Variants in CYP7B1 observed in about 807,000 individuals in gnomAD.
The protein encoded by CYP7B1 is cytochrome P450 7B1.
In CYP7B1, 29 loss-of-function variants were observed where a neutral mutation model predicts 42.7. The ratio of observed to expected loss-of-function variants is 0.68; its 90% CI spans 0.51 to 0.93. CYP7B1 has a LOEUF of 0.93. Among genes scored for constraint, CYP7B1 ranks in the 40% least tolerant of loss-of-function variants. The probability of loss-of-function intolerance (pLI) is 0.00; values close to 1 mark genes in which losing one functional copy is unlikely to be tolerated. For synonymous variants in CYP7B1, 235 were observed against 218.2 expected, an observed-to-expected ratio of 1.08 and a Z score of -0.68; for missense variants, 655 against 600.5, an observed-to-expected ratio of 1.09 and a Z score of -0.95.
intron 1 of CYP7B1, among the ~76,000 whole-genome samples, chr8:64,790,324 A>T (rs1039275200): frequency 2.6e-5 from 4 of 152,196 alleles, no homozygotes; most frequent in African/African-American, 9.7e-5. Flanking sequence ...GTTCACTTCC[A>T]CCTAAAGGCA....
chr8:64,790,478 A>C (rs1804599493), intron 1 of CYP7B1, among the ~76,000 whole-genome samples: 1 of 152,200 alleles, frequency 6.6e-6, no homozygotes, highest in Admixed American at 6.5e-5. Flanking sequence ...CCCCAAGATC[A>C]ATGTGTTTTA....
intron 1 of CYP7B1, among the ~76,000 whole-genome samples, chr8:64,792,651 C>T (rs1426871981): frequency 6.6e-6 from 1 of 152,118 alleles, no homozygotes; most frequent in Non-Finnish European, 1.5e-5. Flanking sequence ...ACAAATCTCT[C>T]AGGAGTGAAT....
intron 1 of CYP7B1, among the ~76,000 whole-genome samples, chr8:64,733,867 G>A (rs1807449027): frequency 6.6e-6 from 1 of 152,028 alleles, no homozygotes; most frequent in Admixed American, 6.6e-5. Flanking sequence ...CTATTTTGGA[G>A]GCTAAGGAAG....
At chr8:64,661,798 C>T (rs750497555) in intron 1 of CYP7B1, among the ~76,000 whole-genome samples, 4 of 152,118 alleles carry the variant, frequency 2.6e-5, no homozygotes, top group East Asian at 1.9e-4. Context: ...AGGACATTCA[C>T]GGAATGTGGA....
At chr8:64,700,574 CA>C (rs1206146114) in intron 1 of CYP7B1, among the ~76,000 whole-genome samples, 3 of 152,062 alleles carry the variant, frequency 2.0e-5, no homozygotes, top group Non-Finnish European at 2.9e-5. Context: ...GTTCTACTTA[CA>C]AAAAAGATGT....
intron 1 of CYP7B1, among the ~76,000 whole-genome samples, chr8:64,631,197 T>A (rs1251486746): frequency 3.9e-5 from 6 of 152,054 alleles, no homozygotes. Flanking sequence ...CTCAATAAAA[T>A]AATTATCAAT....
intron 1 of CYP7B1, among the ~76,000 whole-genome samples, chr8:64,746,142 T>A (rs1404914237): frequency 1.3e-5 from 2 of 151,826 alleles, no homozygotes; most frequent in African/African-American, 4.8e-5. Context: ...AAAAAAAAAA[T>A]CCCTTTCTTA....
rs1218191670 is a variant in CYP7B1, at chr8:64,659,136, T to C, written c.123-34597A>G. ...TATTTTTCACGGTAATATACTATAGTAACTGAAATTTGAACTGTGTTTTTG... is the reference window on the plus strand; with the variant it reads ...TATTTTTCACGGTAATATACTATAGCAACTGAAATTTGAACTGTGTTTTTG... On this transcript the variant is annotated intron_variant, in intron 1 of 5. Coordinates refer to ENST00000310193, the MANE Select transcript of CYP7B1 (RefSeq NM_004820.5). 2.0e-5 allele frequency among the ~76,000 whole-genome samples: 3 copies of C among 152,214 alleles called. No individual in the cohort carries two copies. The East Asian group carries it at 5.8e-4, about 29-fold the overall frequency.
chr8:64,614,776 T>C (rs1805409012), intron 4 of CYP7B1, among the ~76,000 whole-genome samples: 2 of 152,222 alleles, frequency 1.3e-5, no homozygotes, highest in Admixed American at 6.5e-5. Flanking sequence ...ATAAACTTTT[T>C]TTCAAATAAT....
At chr8:64,676,390 T>G (rs1806446410) in intron 1 of CYP7B1, among the ~76,000 whole-genome samples, 1 of 152,130 alleles carries the variant, frequency 6.6e-6, no homozygotes, top group Admixed American at 6.6e-5. Context: ...GCCAACCATT[T>G]AGAATATATG....
chr8:64,730,251 G>A (rs1264731658), intron 1 of CYP7B1, among the ~76,000 whole-genome samples: 1 of 150,830 alleles, frequency 6.6e-6, no homozygotes, highest in African/African-American at 2.4e-5. Flanking sequence ...TGTATTTTTA[G>A]TGGAGATGGT....
At chr8:64,685,473 C>T (rs1253771415) in intron 1 of CYP7B1, among the ~76,000 whole-genome samples, 5 of 52,306 alleles carry the variant, frequency 9.6e-5, no homozygotes, top group Middle Eastern at 6.6e-3. Flanking sequence ...CGTCTCTGCC[C>T]GGCCGCCCAT....
intron 1 of CYP7B1, among the ~76,000 whole-genome samples, chr8:64,693,375 T>G (rs991828501): frequency 1.3e-5 from 2 of 152,170 alleles, no homozygotes; most frequent in African/African-American, 2.4e-5. Flanking sequence ...TTGTGTGTGT[T>G]TTGGCAAGGA....
chr8:64,707,183 T>G (rs1227427526), intron 1 of CYP7B1, among the ~76,000 whole-genome samples: 1 of 152,062 alleles, frequency 6.6e-6, no homozygotes, highest in Non-Finnish European at 1.5e-5. Context: ...CTTTCATCCT[T>G]AATGGAGTCC....
chr8:64,746,290 C>G (rs933486195), intron 1 of CYP7B1, among the ~76,000 whole-genome samples: 1 of 152,094 alleles, frequency 6.6e-6, no homozygotes, highest in African/African-American at 2.4e-5. Context: ...CTTCTGTTGT[C>G]TATTTAAAGG....
chr8:64,602,574 G>A (rs1563538972), intron 5 of CYP7B1, among the ~76,000 whole-genome samples: 3 of 152,042 alleles, frequency 2.0e-5, no homozygotes, highest in Admixed American at 1.3e-4. Context: ...TATATTTTTG[G>A]CCTAACACCT....
At position 64,734,920 on chromosome 8, in the gene CYP7B1, G is replaced by A. The variant is rs935049275; in HGVS notation, c.122+63546C>T. The stretch of plus-strand genomic sequence containing the variant: ...TTGGTTTTTACCAAGAAAAAGGAAT[G>A]GGGAAAATATTTTAGGACAATAGGC... On this transcript the variant is annotated intron_variant, in intron 1 of 5. Transcript: ENST00000310193. Among the ~76,000 whole-genome samples the A allele has an allele frequency of 2.0e-5, 3 of 152,156 alleles. No individual in the cohort carries two copies. The East Asian group carries it at 5.8e-4, about 29-fold the overall frequency.
chr8:64,587,731 GA>G (rs1804987578), downstream of CYP7B1: 1 of 152,204 alleles, frequency 6.6e-6, no homozygotes, highest in East Asian at 1.9e-4. Flanking sequence ...ATGTGTGTGT[GA>G]ATTTTCCTTC....
chr8:64,708,647 G>A (rs933280490), intron 1 of CYP7B1, among the ~76,000 whole-genome samples: 1 of 152,094 alleles, frequency 6.6e-6, no homozygotes, highest in Non-Finnish European at 1.5e-5. Context: ...TAAACTAAAT[G>A]TATTGCTTTT....
Sources: gnomAD v4.1 joint callset for allele counts (sites outside exome capture counted in the v4.1 genomes callset) on GRCh38, gnomAD v4.1.1 for gene constraint, MANE v1.5 for transcripts, NCBI Gene and HGNC (gene_info 2026-07-23, HGNC 2026-07-21) for gene names.